Variants in CWF19L2 observed in about 807,000 individuals in gnomAD.
CWF19L2 encodes CWF19 like cell cycle control factor 2.
In CWF19L2, 98 loss-of-function variants were observed where a neutral mutation model predicts 111.7. The ratio of observed to expected loss-of-function variants is 0.88; its 90% confidence interval spans 0.75 to 1.04. The LOEUF (loss-of-function observed/expected upper bound fraction) is 1.04, where lower values mean the gene tolerates loss of function less well. Ranked by LOEUF, CWF19L2 falls within the 50% of genes least tolerant of loss-of-function variation. The probability of loss-of-function intolerance (pLI) is 0.00; values close to 1 mark genes in which losing one functional copy is unlikely to be tolerated. For missense variants in CWF19L2, 1,101 were observed against 1,051.4 expected, an observed-to-expected ratio of 1.05 and a Z score of -0.65; for synonymous variants, 351 against 342.9, an observed-to-expected ratio of 1.02 and a Z score of -0.26.
At chr11:107,440,668 T>C (rs1861608259) in intron 5 of CWF19L2, among the ~76,000 whole-genome samples, 1 of 152,024 alleles carries the variant, frequency 6.6e-6, no homozygotes, top group Non-Finnish European at 1.5e-5. Context: ...TATCTGAAAA[T>C]GTATAAAAGA....
intron 16 of CWF19L2, among the ~76,000 whole-genome samples, chr11:107,330,644 CCA>C (rs56313409): frequency 0.13 from 15,701 of 121,174 alleles, 936 homozygotes; most frequent in Middle Eastern, 0.2. Context: ...ACCCCCCCCA[CCA>C]CACACACACA....
rs186965922 is a variant in CWF19L2 at position 107,369,127 on chromosome 11, A to G, written c.1873-15391T>C. 2.8e-3 allele frequency among the ~76,000 whole-genome samples: 386 copies of G among 138,222 alleles called. 87 individuals carry two copies. The highest frequency in any genetic ancestry group is 0.01 in the African/African-American group (354 of 34,800). The allele number at this position is 138,222 out of a possible 152,430, so 90.7% of individuals were successfully genotyped here. On this transcript the variant is annotated intron_variant, in intron 12 of 17. Transcript: ENST00000282251. ...CCAGAATGTAACGCCAGTTGCTTCT[A>G]TGCTAACTATATCAGCAAGAGTTAC...
chr11:107,398,322 T>C (rs1426282680), intron 10 of CWF19L2, among the ~76,000 whole-genome samples: 2 of 152,124 alleles, frequency 1.3e-5, no homozygotes, highest in African/African-American at 2.4e-5. Flanking sequence ...AGGAAATAGA[T>C]AGCTTAAAGA....
rs766376510 is a variant in CWF19L2, at chr11:107,429,439, A to T, written c.793T>A (p.Phe265Ile). ...VAERYGSMEI[F>I]QSKLEDAEKA... ...TCAGCATCTTCTAATTTTGACTGAA[A>T]TATTTCCATTGACTACAAAGGAGAA... The change falls in exon 8 of 18, where the codon TTT becomes ATT. Residue 265 changes from phenylalanine to isoleucine, a missense_variant. Coordinates refer to ENST00000282251, the MANE Select transcript of CWF19L2 (RefSeq NM_152434.3). 1 of 1,551,948 alleles carries T rather than the reference A, an allele frequency of 6.4e-7. No individual in the cohort carries two copies.
chr11:107,422,769 T>G (rs1390127034), intron 8 of CWF19L2, among the ~76,000 whole-genome samples: 1 of 152,006 alleles, frequency 6.6e-6, no homozygotes, highest in Non-Finnish European at 1.5e-5. Context: ...AATCAAAACA[T>G]GACCTACCAA....
intron 10 of CWF19L2, among the ~76,000 whole-genome samples, chr11:107,398,722 C>T (rs1221170898): frequency 6.6e-6 from 1 of 152,178 alleles, no homozygotes; most frequent in African/African-American, 2.4e-5. Flanking sequence ...TTTGCCTAGG[C>T]ACACTGTCAT....
chr11:107,386,928 C>A (rs1860774968), intron 12 of CWF19L2, among the ~76,000 whole-genome samples: 3 of 151,904 alleles, frequency 2.0e-5, no homozygotes, highest in Admixed American at 2.0e-4. Context: ...GTGGTGCGTG[C>A]CTATAGTCCC....
chr11:107,401,547 G>C (rs1861000014), intron 10 of CWF19L2, among the ~76,000 whole-genome samples: 1 of 151,996 alleles, frequency 6.6e-6, no homozygotes, highest in Admixed American at 6.6e-5. Context: ...GCCTCTACAA[G>C]GAAAACTACA....
chr11:107,403,695 T>A, intron 10 of CWF19L2: 1 of 789,916 alleles, frequency 1.3e-6, no homozygotes, highest in Non-Finnish European at 2.3e-6. Flanking sequence ...CTGCCCTGAC[T>A]GCACTCGGCT....
chr11:107,392,444 T>C (rs1036189532), intron 11 of CWF19L2, among the ~76,000 whole-genome samples: 2 of 152,136 alleles, frequency 1.3e-5, no homozygotes, highest in Non-Finnish European at 2.9e-5. Context: ...CTAACACTAG[T>C]AACAGCTCTG....
chr11:107,441,442 A>G, intron 5 of CWF19L2, 61 bp downstream of exon 5: 1 of 1,359,684 alleles, frequency 7.4e-7, no homozygotes. Flanking sequence ...ATTTATATAA[A>G]TGTCTTGTAA....
chr11:107,420,984 T>C (rs557524231), intron 8 of CWF19L2, among the ~76,000 whole-genome samples: 2 of 152,170 alleles, frequency 1.3e-5, no homozygotes, highest in Middle Eastern at 3.4e-3. Flanking sequence ...CCAACAAGAA[T>C]AGAAGACACA....
intron 10 of CWF19L2, chr11:107,404,684 G>T: frequency 2.5e-6 from 1 of 403,162 alleles, no homozygotes; most frequent in South Asian, 2.2e-5. Flanking sequence ...CACCTTTCCA[G>T]ACCAAAGACC....
intron 10 of CWF19L2, among the ~76,000 whole-genome samples, chr11:107,398,697 C>A (rs1591183082): frequency 6.6e-6 from 1 of 152,304 alleles, no homozygotes; most frequent in Non-Finnish European, 1.5e-5. Flanking sequence ...CTGGGAAATT[C>A]ATCACAAAAA....
chr11:107,391,048 C>A (rs572534754), intron 11 of CWF19L2, among the ~76,000 whole-genome samples: 5 of 152,276 alleles, frequency 3.3e-5, no homozygotes, highest in Admixed American at 6.5e-5. Flanking sequence ...TGGACTTACA[C>A]CAGTGGTTTG....
intron 14 of CWF19L2, 106 bp downstream of exon 14, chr11:107,348,831 G>T: frequency 1.8e-6 from 1 of 559,586 alleles, no homozygotes; most frequent in South Asian, 2.8e-5. Context: ...TTTAAGTTTA[G>T]AAACTAAAAT....
At position 107,455,655 on chromosome 11, in the gene CWF19L2, T is replaced by C. The variant is rs1017018519; in HGVS notation, c.216+11A>G. ...GATATCCTTACATCACGTAAACCTG[T>C]TAGTATTCACCTGTGAGAACTGTTC... On this transcript the variant is annotated intron_variant, in intron 2 of 17. Transcript: ENST00000282251. 4.1e-6 allele frequency: 6 copies of C among 1,458,546 alleles called. No homozygotes were observed. In the African/African-American group the frequency reaches 7.1e-5, roughly 17 times the overall value. 90.4% of individuals were successfully genotyped at this position (1,458,546 alleles called of 1,614,324 possible).
At chr11:107,387,279 A>G (rs1296337468) in intron 12 of CWF19L2, among the ~76,000 whole-genome samples, 1 of 152,032 alleles carries the variant, frequency 6.6e-6, no homozygotes, top group Admixed American at 6.6e-5. Flanking sequence ...ACTTTTCACC[A>G]GTTTTACCAC....
intron 3 of CWF19L2, among the ~76,000 whole-genome samples, chr11:107,452,277 A>C (rs992272694): frequency 6.6e-6 from 1 of 152,128 alleles, no homozygotes; most frequent in Admixed American, 6.5e-5. Context: ...GTTTTTTTTC[A>C]CTTTTTTCTT....
Sources: gnomAD v4.1 joint callset for allele counts (sites outside exome capture counted in the v4.1 genomes callset) on GRCh38, gnomAD v4.1.1 for gene constraint, MANE v1.5 for transcripts, NCBI Gene and HGNC (gene_info 2026-07-23, HGNC 2026-07-21) for gene names.